DLGAP1: variants seen among roughly 807,000 people sequenced by gnomAD.
DLGAP1 encodes the protein disks large-associated protein 1.
In DLGAP1, 11 loss-of-function variants were observed where a neutral mutation model predicts 90.8. The observed-to-expected ratio is 0.12, with a 90% CI of 0.08 to 0.20. DLGAP1 has a LOEUF of 0.20. Ranked by LOEUF, DLGAP1 falls within the 10% of genes least tolerant of loss-of-function variation. The pLI is 1.00. For missense variants in DLGAP1, 1,050 were observed against 1,333.8 expected (o/e 0.79, Z 3.31); for synonymous variants, 558 against 540.7 (o/e 1.03, Z -0.44).
chr18:3,506,123 A>G (rs530594166), intron 11 of DLGAP1, among the ~76,000 whole-genome samples: 1 of 152,230 alleles, frequency 6.6e-6, no homozygotes, highest in East Asian at 1.9e-4. Flanking sequence ...CTGTAAACCC[A>G]GCTACTTGGG....
chr18:3,574,598 G>A (rs1299386909), intron 8 of DLGAP1, among the ~76,000 whole-genome samples: 2 of 151,972 alleles, frequency 1.3e-5, no homozygotes, highest in Non-Finnish European at 2.9e-5. Context: ...AATGATCTCC[G>A]TAAGGTTCAT....
intron 3 of DLGAP1, among the ~76,000 whole-genome samples, chr18:3,944,092 C>A (rs2072828081): frequency 6.6e-6 from 1 of 152,178 alleles, no homozygotes; most frequent in South Asian, 2.1e-4. Flanking sequence ...GTGCACATTT[C>A]ATCACTTCTG....
At chr18:4,178,202 A>AACACAC (rs59444096) in intron 1 of DLGAP1, among the ~76,000 whole-genome samples, 1,342 of 118,470 alleles carry the variant, frequency 0.011, 16 homozygotes, top group African/African-American at 0.018. Context: ...TCCTGGAATA[A>AACACAC]ACACACACAC....
At chr18:3,951,960 T>A (rs186622613) in intron 3 of DLGAP1, among the ~76,000 whole-genome samples, 6 of 152,350 alleles carry the variant, frequency 3.9e-5, no homozygotes, top group Non-Finnish European at 8.8e-5. Context: ...GAAAATGGAC[T>A]AATACAACCT....
intron 7 of DLGAP1, among the ~76,000 whole-genome samples, chr18:3,691,436 A>C (rs920581554): frequency 6.6e-6 from 1 of 152,118 alleles, no homozygotes; most frequent in Non-Finnish European, 1.5e-5. Flanking sequence ...CAAAAAAAAA[A>C]AAAAAATTAC....
At chr18:4,220,998 C>G (rs896990339) in intron 1 of DLGAP1, among the ~76,000 whole-genome samples, 1 of 152,092 alleles carries the variant, frequency 6.6e-6, no homozygotes, top group Non-Finnish European at 1.5e-5. Flanking sequence ...GTATTCAGTA[C>G]AGTCATATGC....
intron 9 of DLGAP1, among the ~76,000 whole-genome samples, chr18:3,547,568 C>T (rs537363): frequency 0.53 from 79,583 of 149,436 alleles, 25,568 homozygotes; most frequent in Non-Finnish European, 0.69. Flanking sequence ...CAATGACATG[C>T]CACTTCATAC....
chr18:3,929,432 C>G (rs376740633), intron 3 of DLGAP1, among the ~76,000 whole-genome samples: 2 of 152,308 alleles, frequency 1.3e-5, no homozygotes, highest in South Asian at 2.1e-4. Context: ...GAGAGAAGCC[C>G]CACCATGGGT....
chr18:3,523,796 T>A (rs190950133), intron 10 of DLGAP1, among the ~76,000 whole-genome samples: 4 of 146,010 alleles, frequency 2.7e-5, no homozygotes, highest in Non-Finnish European at 4.5e-5. Context: ...TGCAGTGAGC[T>A]GAGATAGCGC....
chr18:3,976,174 C>T (rs572135275), intron 3 of DLGAP1, among the ~76,000 whole-genome samples: 40 of 143,450 alleles, frequency 2.8e-4, no homozygotes, highest in Middle Eastern at 3.5e-3. Context: ...TGGAGAAACC[C>T]GTCTCTACTA....
intron 2 of DLGAP1, among the ~76,000 whole-genome samples, chr18:4,033,160 T>G (rs1299775568): frequency 2.6e-5 from 4 of 152,156 alleles, no homozygotes; most frequent in Non-Finnish European, 5.9e-5. Flanking sequence ...TTTTTATTTT[T>G]ATTCATTAAT....
At chr18:3,803,515 A>G (rs1199750100) in intron 5 of DLGAP1, among the ~76,000 whole-genome samples, 1 of 152,128 alleles carries the variant, frequency 6.6e-6, no homozygotes, top group Non-Finnish European at 1.5e-5. Context: ...GGTAATTTGG[A>G]TCTGTTCCGA....
intron 1 of DLGAP1, among the ~76,000 whole-genome samples, chr18:4,375,141 A>C (rs1210552305): frequency 6.6e-6 from 1 of 152,118 alleles, no homozygotes; most frequent in Non-Finnish European, 1.5e-5. Context: ...TCTACCTTTT[A>C]TTAGATGCAA....
At chr18:3,592,639 G>C (rs2056314241) in intron 7 of DLGAP1, among the ~76,000 whole-genome samples, 1 of 151,822 alleles carries the variant, frequency 6.6e-6, no homozygotes, top group African/African-American at 2.4e-5. Flanking sequence ...AGGTGTTGGA[G>C]ACCAGCCTGG....
chr18:3,938,899 G>A (rs547828390), intron 3 of DLGAP1, among the ~76,000 whole-genome samples: 16 of 152,344 alleles, frequency 1.1e-4, no homozygotes, highest in African/African-American at 3.4e-4. Context: ...CAGGCTGGAG[G>A]TGATTGGGCT....
At chr18:4,413,131 A>T (rs2082816536) in intron 1 of DLGAP1, among the ~76,000 whole-genome samples, 1 of 152,116 alleles carries the variant, frequency 6.6e-6, no homozygotes, top group African/African-American at 2.4e-5. Flanking sequence ...GATCTGGATC[A>T]CTTTACCTCG....
intron 7 of DLGAP1, among the ~76,000 whole-genome samples, chr18:3,590,295 C>T (rs1385153488): frequency 6.6e-6 from 1 of 152,130 alleles, no homozygotes; most frequent in East Asian, 1.9e-4. Context: ...TTGCTAAGCT[C>T]GATTGTGCAC....
intron 1 of DLGAP1, among the ~76,000 whole-genome samples, chr18:4,429,538 C>A (rs2083234362): frequency 6.6e-6 from 1 of 152,046 alleles, no homozygotes; most frequent in African/African-American, 2.4e-5. Context: ...TGCTATTATC[C>A]ACTGGCCAGA....
chr18:3,583,298 T>G (rs2055678578), intron 7 of DLGAP1, among the ~76,000 whole-genome samples: 1 of 151,042 alleles, frequency 6.6e-6, no homozygotes, highest in South Asian at 2.1e-4. Context: ...TCCTTCAGTC[T>G]TTTTCTTTTC....
Sources: gnomAD v4.1 joint callset for allele counts (sites outside exome capture counted in the v4.1 genomes callset) on GRCh38, gnomAD v4.1.1 for gene constraint, MANE v1.5 for transcripts, NCBI Gene and HGNC (gene_info 2026-07-23, HGNC 2026-07-21) for gene names.